Variants in PTPMT1 observed in about 807,000 individuals in gnomAD.
PTPMT1 encodes the protein phosphatidylglycerophosphatase and protein-tyrosine phosphatase 1.
A neutral mutation model predicts 17.8 loss-of-function variants in PTPMT1; 12 were observed. That is an observed-to-expected ratio of 0.67 (90% CI 0.43 to 1.09). The LOEUF (loss-of-function observed/expected upper bound fraction) is 1.09, where lower values mean the gene tolerates loss of function less well. Among genes scored for constraint, PTPMT1 ranks in the 50% least tolerant of loss-of-function variants. The probability of loss-of-function intolerance (pLI) is 0.00; values close to 1 mark genes in which losing one functional copy is unlikely to be tolerated. For synonymous variants in PTPMT1, 132 were observed against 116.8 expected (o/e 1.13, Z -0.84); for missense variants, 262 against 266.0 (o/e 0.99, Z 0.10).
rs773162809 is a variant in PTPMT1, at chr11:47,571,599, G to A, written c.576G>A (p.Lys192=). Residue 192 remains lysine, a synonymous_variant, in exon 4 of 4, where the codon AAG becomes AAA. Transcript: ENST00000326674. ...AGCAGATTACTGCACGGGCAACAAA[G>A]GATGGGACTTTTGTCATTTCAAAGA... ...FHKQITARAT[K]DGTFVISKT The A allele has an allele frequency of 1.9e-6, 3 of 1,613,974 alleles. No individual in the cohort carries two copies. The highest frequency in any genetic ancestry group is 2.5e-6 in the Non-Finnish European group (3 of 1,179,998).
chr11:47,567,554 C>A (rs118011483), intron 2 of PTPMT1, among the ~76,000 whole-genome samples: 11,552 of 135,498 alleles, frequency 0.085, 660 homozygotes, highest in Non-Finnish European at 0.13. Flanking sequence ...ATTTCTATTT[C>A]TTTTCTTTTT....
Position 47,571,713 on chromosome 11 carries a change from C to T in PTPMT1, c.*84C>T, listed in dbSNP as rs1480018706. On this transcript the variant is annotated 3_prime_UTR_variant, in exon 4 of 4. Coordinates refer to ENST00000326674, the MANE Select transcript of PTPMT1 (RefSeq NM_175732.3). ...TAACAGGACCAACAGGGCTTAAGCC[C>T]AGACTTGACGTAACAGAAATGTGCC... The T allele has an allele frequency of 1.5e-6, 2 of 1,314,284 alleles. No individual in the cohort carries two copies. The highest frequency in any genetic ancestry group is 2.3e-5 in the East Asian group (1 of 42,732). 81.4% of individuals were successfully genotyped at this position (1,314,284 alleles called of 1,614,324 possible).
intron 2 of PTPMT1, among the ~76,000 whole-genome samples, chr11:47,567,555 TTTTC>T (rs1302733263): frequency 1.4e-5 from 2 of 138,444 alleles, no homozygotes; most frequent in Non-Finnish European, 3.2e-5. Context: ...TTTCTATTTC[TTTTC>T]TTTTTTTTTT....
rs2097242418 is a variant in PTPMT1, at chr11:47,565,650, G to C, written c.28G>C (p.Gly10Arg). Reference protein sequence around the residue: MAATALLEAGLARVLFYPTL... With the variant: MAATALLEARLARVLFYPTL... ...GGCGGCCACCGCGCTGCTGGAGGCC[G>C]GCCTGGCGCGGGTGCTCTTCTACCC... is the stretch of plus-strand genomic sequence containing the variant. Residue 10 changes from glycine to arginine, a missense_variant, in exon 1 of 4, where the codon GGC becomes CGC. Coordinates refer to ENST00000326674, the MANE Select transcript of PTPMT1 (RefSeq NM_175732.3). The C allele has an allele frequency of 1.5e-6, 2 of 1,363,808 alleles. No homozygotes were observed. Among genetic ancestry groups the C allele is most frequent in the Non-Finnish European group, 1.9e-6 (2 of 1,059,342 alleles). The allele number at this position is 1,363,808 out of a possible 1,614,324, so 84.5% of individuals were successfully genotyped here. A position where few individuals can be genotyped will look rare whatever the true frequency, so the allele number is the denominator to read the frequency against.
chr11:47,571,607 CTT>C lies in PTPMT1; in HGVS notation c.587_588del (p.Phe196CysfsTer11). 1 of 1,613,942 alleles carries C rather than the reference CTT, an allele frequency of 6.2e-7. No homozygotes were observed. Among genetic ancestry groups the C allele is most frequent in the Non-Finnish European group, 8.5e-7 (1 of 1,179,980 alleles). On this transcript the variant is annotated frameshift_variant, in exon 4 of 4. Coordinates refer to ENST00000326674, the MANE Select transcript of PTPMT1 (RefSeq NM_175732.3). LOFTEE classifies it low-confidence loss of function (END_TRUNC). ...ACTGCACGGGCAACAAAGGATGGGACTTTTGTCATTTCAAAGACATGATGTAT... is the reference window on the plus strand; with the variant it reads ...ACTGCACGGGCAACAAAGGATGGGACTTGTCATTTCAAAGACATGATGTAT...
At position 47,565,716 on chromosome 11, in the gene PTPMT1, C is replaced by T. The variant is rs1395627740; in HGVS notation, c.94C>T (p.Arg32Trp). The T allele has an allele frequency of 6.3e-7, 1 of 1,577,388 alleles. No individual in the cohort carries two copies. The highest frequency in any genetic ancestry group is 2.4e-5 in the East Asian group (1 of 41,842). ...YTLFRGKVPG[R>W]AHRDWYHRID... is the part of the protein sequence containing the mutation. ...CCTGTTCCGCGGGAAGGTGCCGGGT[C>T]GGGCGCACCGGGACTGGTACCACCG... Residue 32 changes from arginine to tryptophan, a missense_variant, in exon 1 of 4, where the codon CGG becomes TGG. Coordinates refer to ENST00000326674, the MANE Select transcript of PTPMT1 (RefSeq NM_175732.3).
At position 47,573,301 on chromosome 11, in the gene PTPMT1, G is replaced by A; in HGVS notation, c.*1672G>A. ...TCAAAGCACTGGATGAGTCGGGAAG[G>A]TTTGGTAAAGAAGTCCAGATCATTC... On this transcript the variant is annotated 3_prime_UTR_variant, in exon 4 of 4. Coordinates refer to ENST00000326674, the MANE Select transcript of PTPMT1 (RefSeq NM_175732.3). The surrounding 1 kb of genome is among the most constrained non-coding windows in gnomAD (Gnocchi z 4.1). 1 of 1,614,194 alleles carries A rather than the reference G, an allele frequency of 6.2e-7. No homozygotes were observed. Among genetic ancestry groups the A allele is most frequent in the South Asian group, 1.1e-5 (1 of 91,084 alleles).
chr11:47,569,602 ACTTC>A lies in PTPMT1; in HGVS notation c.256-94_256-91del, dbSNP rs2097248370. 3 of 909,016 alleles carry A rather than the reference ACTTC, an allele frequency of 3.3e-6. No homozygotes were observed. In the East Asian group the frequency reaches 7.8e-5, roughly 24 times the overall value. The allele number at this position is 909,016 out of a possible 1,614,324, so 56.3% of individuals were successfully genotyped here. On this transcript the variant is annotated intron_variant, in intron 2 of 3. Coordinates refer to ENST00000326674, the MANE Select transcript of PTPMT1 (RefSeq NM_175732.3). The stretch of plus-strand genomic sequence containing the variant: ...TATTCCCATTGTAGTAAACCCTGAA[ACTTC>A]CTTGTTGCTTTGCTGCTTCTTGGGA...
At chr11:47,569,275 A>G (rs1012689191) in intron 2 of PTPMT1, among the ~76,000 whole-genome samples, 1 of 150,426 alleles carries the variant, frequency 6.6e-6, no homozygotes, top group African/African-American at 2.4e-5. Flanking sequence ...AGTCCCAGCT[A>G]CTCGGGAGGC....
chr11:47,570,502 G>A (rs1450585403), intron 3 of PTPMT1, among the ~76,000 whole-genome samples: 1 of 152,158 alleles, frequency 6.6e-6, no homozygotes, highest in Admixed American at 6.6e-5. Flanking sequence ...TCTAAAAACG[G>A]AGTTGCAAAA....
Position 47,566,006 on chromosome 11 carries a change from G to T in PTPMT1, c.255+20G>T. The T allele has an allele frequency of 6.9e-7, 1 of 1,459,716 alleles. No homozygotes were observed. Among genetic ancestry groups the T allele is most frequent in the Non-Finnish European group, 9.0e-7 (1 of 1,114,162 alleles). 90.4% of individuals were successfully genotyped at this position (1,459,716 alleles called of 1,614,324 possible). A position where few individuals can be genotyped will look rare whatever the true frequency, so the allele number is the denominator to read the frequency against. On this transcript the variant is annotated intron_variant, in intron 2 of 3. Coordinates refer to ENST00000326674, the MANE Select transcript of PTPMT1 (RefSeq NM_175732.3). The stretch of plus-strand genomic sequence containing the variant: ...TCACAGGTGAGGGACCGGGCCGAGG[G>T]GCAGGCTCGGGGGCCCGCTCCCCCT...
chr11:47,569,608 T>C (rs1488116668), intron 2 of PTPMT1, 92 bp from the exon 3 acceptor site: 5 of 978,602 alleles, frequency 5.1e-6, no homozygotes, highest in Admixed American at 2.7e-5. Flanking sequence ...TGAAACTTCC[T>C]TGTTGCTTTG....
rs1169573468 is a variant in PTPMT1, at chr11:47,572,028, C to T, written c.*399C>T. Reference sequence around the variant, plus strand: ...TTTGCCACTGTCAGAATCTGAATCTCACTGGCCCTGTGGAGTAGGGATCCT... The same window carrying T: ...TTTGCCACTGTCAGAATCTGAATCTTACTGGCCCTGTGGAGTAGGGATCCT... On this transcript the variant is annotated 3_prime_UTR_variant, in exon 4 of 4. Transcript: ENST00000326674. 2 of 165,826 alleles carry T rather than the reference C, an allele frequency of 1.2e-5. No homozygotes were observed. Among genetic ancestry groups the T allele is most frequent in the Non-Finnish European group, 2.6e-5 (2 of 76,904 alleles). 10.3% of individuals were successfully genotyped at this position (165,826 alleles called of 1,614,324 possible). A position where few individuals can be genotyped will look rare whatever the true frequency, so the allele number is the denominator to read the frequency against.
chr11:47,566,514 A>C (rs919388425), intron 2 of PTPMT1, among the ~76,000 whole-genome samples: 2 of 150,784 alleles, frequency 1.3e-5, no homozygotes, highest in Non-Finnish European at 2.9e-5. Flanking sequence ...AAAAAGTGGA[A>C]GTTGACAAAG....
rs2153793479 is a variant in PTPMT1, at chr11:47,573,437, A to G, written c.*1808A>G. On this transcript the variant is annotated 3_prime_UTR_variant, in exon 4 of 4. Transcript: ENST00000326674. This position sits in a 1 kb window ranked among gnomAD's most constrained non-coding sequence, Gnocchi z 4.1. ...TCCACACATTATCACCTACGCGATA[A>G]TAAATGACTGCGTTGGAGAGGGTAT... 1.2e-6 allele frequency: 2 copies of G among 1,614,218 alleles called. No homozygotes were observed. Among genetic ancestry groups the G allele is most frequent in the Non-Finnish European group, 1.7e-6 (2 of 1,180,038 alleles).
At position 47,573,347 on chromosome 11, in the gene PTPMT1, G is replaced by A. The variant is rs1318086432; in HGVS notation, c.*1718G>A. On this transcript the variant is annotated 3_prime_UTR_variant, in exon 4 of 4. Transcript: ENST00000326674. The surrounding 1 kb of genome is among the most constrained non-coding windows in gnomAD (Gnocchi z 4.1). ...CATTCTCCTCCCCCCCTAGTAAGTA[G>A]ATGATCCCGTTGAGGTTGGCACCAG... is the stretch of plus-strand genomic sequence containing the variant. 1 of 1,614,078 alleles carries A rather than the reference G, an allele frequency of 6.2e-7. No individual in the cohort carries two copies. The highest frequency in any genetic ancestry group is 8.5e-7 in the Non-Finnish European group (1 of 1,180,044).
At chr11:47,567,888 C>T (rs1254017528) in intron 2 of PTPMT1, among the ~76,000 whole-genome samples, 2 of 152,032 alleles carry the variant, frequency 1.3e-5, no homozygotes, top group Non-Finnish European at 2.9e-5. Context: ...TAACATTGCA[C>T]TAATGAAGGT....
chr11:47,566,264 C>T (rs2097244070), intron 2 of PTPMT1, among the ~76,000 whole-genome samples: 1 of 152,130 alleles, frequency 6.6e-6, no homozygotes, highest in African/African-American at 2.4e-5. Context: ...GGGCAGATCA[C>T]TTGAGCCCAG....
rs1202140915 is a variant in PTPMT1 at position 47,572,782 on chromosome 11, A to G, written c.*1153A>G. On this transcript the variant is annotated 3_prime_UTR_variant, in exon 4 of 4. Coordinates refer to ENST00000326674, the MANE Select transcript of PTPMT1 (RefSeq NM_175732.3). Reference sequence around the variant, plus strand: ...CAGCAGTCTAAAAAGCCCCAAACAGAACACCTCCATGGATTCAGGGAAGGG... The same window carrying G: ...CAGCAGTCTAAAAAGCCCCAAACAGGACACCTCCATGGATTCAGGGAAGGG... 1.2e-6 allele frequency: 1 copy of G among 830,734 alleles called. No individual in the cohort carries two copies. Among genetic ancestry groups the G allele is most frequent in the Admixed American group, 2.9e-5 (1 of 34,462 alleles). 51.5% of individuals were successfully genotyped at this position (830,734 alleles called of 1,614,324 possible). A position where few individuals can be genotyped will look rare whatever the true frequency, so the allele number is the denominator to read the frequency against.
Sources: allele counts gnomAD v4.1 joint callset (sites outside exome capture counted in the v4.1 genomes callset), GRCh38; gene constraint gnomAD v4.1.1; non-coding constraint Gnocchi (gnomAD v3.1); transcripts MANE v1.5; gene names NCBI Gene and HGNC (gene_info 2026-07-23, HGNC 2026-07-21).